FER: variants seen among roughly 807,000 people sequenced by gnomAD.
FER encodes the protein FER tyrosine kinase, also known as tyrosine-protein kinase Fer.
FER carries 63 observed loss-of-function variants against 111.0 expected under a neutral mutation model. The observed-to-expected ratio is 0.57, with a 90% CI of 0.46 to 0.70. FER has a LOEUF of 0.70. FER is among the 30% of genes least tolerant of loss of function. FER has a pLI of 0.00. For synonymous variants in FER, 327 were observed against 313.9 expected, an observed-to-expected ratio of 1.04 and a Z score of -0.44; for missense variants, 914 against 954.0, an observed-to-expected ratio of 0.96 and a Z score of 0.55.
At chr5:108,821,328 C>T (rs528391840) in intron 3 of FER, among the ~76,000 whole-genome samples, 3 of 151,672 alleles carry the variant, frequency 2.0e-5, no homozygotes, top group African/African-American at 7.3e-5. Flanking sequence ...ATAAATGATC[C>T]GGGGAAAGAG....
At chr5:109,091,823 C>CTCAATGTGATAATA (rs1470893983) in intron 16 of FER, among the ~76,000 whole-genome samples, 1 of 152,032 alleles carries the variant, frequency 6.6e-6, no homozygotes, top group Non-Finnish European at 1.5e-5. Flanking sequence ...TTACCTAAGA[C>CTCAATGTGATAATA]TCAATGTGAT....
At chr5:109,123,951 A>C (rs993366688) in intron 17 of FER, among the ~76,000 whole-genome samples, 1 of 152,090 alleles carries the variant, frequency 6.6e-6, no homozygotes, top group Non-Finnish European at 1.5e-5. Context: ...TTAAAAGAGC[A>C]TGGCGCAGTG....
chr5:109,160,715 C>A (rs1693914699), intron 17 of FER, among the ~76,000 whole-genome samples: 1 of 152,108 alleles, frequency 6.6e-6, no homozygotes, highest in African/African-American at 2.4e-5. Flanking sequence ...CTGCTCTTCT[C>A]TGAGTCTGTT....
At chr5:108,890,719 C>G (rs1747910734) in intron 9 of FER, among the ~76,000 whole-genome samples, 1 of 152,080 alleles carries the variant, frequency 6.6e-6, no homozygotes, top group African/African-American at 2.4e-5. Flanking sequence ...GGCATTAGGA[C>G]TTGAGCATAT....
At chr5:109,017,741 TAA>T (rs1260256466) in intron 13 of FER, among the ~76,000 whole-genome samples, 1 of 151,958 alleles carries the variant, frequency 6.6e-6, no homozygotes, top group Non-Finnish European at 1.5e-5. Context: ...AGATAAAATA[TAA>T]GTCTTATCAG....
In FER at chr5:109,188,313, G is replaced by C. The variant is rs565988210; in HGVS notation, c.*738G>C. 2.9e-4 allele frequency: 42 copies of C among 146,990 alleles called. No individual in the cohort carries two copies. Among genetic ancestry groups the C allele is most frequent in the African/African-American group, 1.0e-3 (41 of 40,506 alleles). 9.1% of individuals were successfully genotyped at this position (146,990 alleles called of 1,614,324 possible). A position where few individuals can be genotyped will look rare whatever the true frequency, so the allele number is the denominator to read the frequency against. On this transcript the variant is annotated 3_prime_UTR_variant, in exon 20 of 20. Coordinates refer to ENST00000281092, the MANE Select transcript of FER (RefSeq NM_005246.4). Reference sequence around the variant, plus strand: ...CCCAGCCCCCTCCCTCCTTTGGGAGGCTGAGGCAGGCGGATCACCTGAGGT... The same window carrying C: ...CCCAGCCCCCTCCCTCCTTTGGGAGCCTGAGGCAGGCGGATCACCTGAGGT...
intron 17 of FER, among the ~76,000 whole-genome samples, chr5:109,101,030 C>T (rs759796187): frequency 2.6e-5 from 4 of 151,794 alleles, no homozygotes; most frequent in Non-Finnish European, 4.4e-5. Flanking sequence ...TTCATGGCAT[C>T]GTATTGAGAA....
At chr5:108,936,534 C>G (rs1755498734) in intron 10 of FER, among the ~76,000 whole-genome samples, 1 of 151,922 alleles carries the variant, frequency 6.6e-6, no homozygotes, top group Admixed American at 6.6e-5. Context: ...TGAAAATACC[C>G]AGTGTACAAC....
intron 13 of FER, among the ~76,000 whole-genome samples, chr5:109,002,668 T>C (rs531649124): frequency 4.6e-5 from 7 of 152,210 alleles, no homozygotes; most frequent in South Asian, 2.1e-4. Context: ...AAGAAACTAC[T>C]ATCAGAGTGA....
At chr5:108,894,974 G>A (rs550853900) in intron 9 of FER, among the ~76,000 whole-genome samples, 146 of 152,074 alleles carry the variant, frequency 9.6e-4, no homozygotes, top group Non-Finnish European at 1.8e-3. Flanking sequence ...AAATCATATC[G>A]GGCTATTCAG....
chr5:108,820,657 T>G (rs72791986), intron 3 of FER: 1 of 426,378 alleles, frequency 2.3e-6, no homozygotes, highest in Non-Finnish European at 3.1e-6. Flanking sequence ...GTAACTGAGC[T>G]AATGCAGCTC....
chr5:109,052,582 A>C, intron 16 of FER: 1 of 589,794 alleles, frequency 1.7e-6, no homozygotes, highest in East Asian at 2.7e-5. Flanking sequence ...TTAAAGTTTA[A>C]AACTCCGCTG....
At chr5:109,118,021 C>G (rs1308685892) in intron 17 of FER, among the ~76,000 whole-genome samples, 3 of 151,908 alleles carry the variant, frequency 2.0e-5, no homozygotes, top group Non-Finnish European at 4.4e-5. Flanking sequence ...GCCTGATTGC[C>G]CTGGCCAGAA....
intron 17 of FER, among the ~76,000 whole-genome samples, chr5:109,104,146 T>G (rs1748596036): frequency 6.6e-6 from 1 of 152,236 alleles, no homozygotes. Flanking sequence ...CATGTTTGGT[T>G]GCTCTAACAC....
intron 16 of FER, among the ~76,000 whole-genome samples, chr5:109,073,731 G>T (rs532068977): frequency 6.6e-6 from 1 of 151,596 alleles, no homozygotes; most frequent in South Asian, 2.1e-4. Flanking sequence ...GCATACTCAG[G>T]TTCTGCAGTG....
chr5:109,044,382 T>C (rs1043522419), intron 14 of FER, among the ~76,000 whole-genome samples: 4 of 151,972 alleles, frequency 2.6e-5, no homozygotes, highest in Admixed American at 1.3e-4. Flanking sequence ...GGGGTTTCAC[T>C]GTGTTAGCAA....
intron 3 of FER, among the ~76,000 whole-genome samples, chr5:108,811,649 T>A (rs1265257271): frequency 1.3e-5 from 2 of 152,274 alleles, no homozygotes; most frequent in East Asian, 3.9e-4. Flanking sequence ...ATATGATTTA[T>A]CATGGAAGTC....
intron 3 of FER, among the ~76,000 whole-genome samples, chr5:108,824,788 C>T (rs545910675): frequency 4.6e-5 from 7 of 152,086 alleles, no homozygotes; most frequent in East Asian, 3.9e-4. Context: ...TTTCTACATA[C>T]GAGATTATCG....
intron 2 of FER, among the ~76,000 whole-genome samples, chr5:108,771,019 C>T (rs192084997): frequency 6.6e-6 from 1 of 151,430 alleles, no homozygotes; most frequent in Non-Finnish European, 1.5e-5. Flanking sequence ...TCACTGCAAC[C>T]TCTGCCTCCC....
Sources: gnomAD v4.1 joint callset for allele counts (sites outside exome capture counted in the v4.1 genomes callset) on GRCh38, gnomAD v4.1.1 for gene constraint, MANE v1.5 for transcripts, NCBI Gene and HGNC (gene_info 2026-07-23, HGNC 2026-07-21) for gene names.